Variants in LIMA1 observed in about 807,000 individuals in gnomAD.
LIMA1 encodes LIM domain and actin binding 1.
Under a neutral mutation model 62.6 loss-of-function variants are expected in LIMA1, and 52 were observed. The ratio of observed to expected loss-of-function variants is 0.83; its 90% CI spans 0.67 to 1.05. The LOEUF is 1.05. Among genes scored for constraint, LIMA1 ranks in the 50% least tolerant of loss-of-function variants. LIMA1 has a pLI of 0.00. For missense variants in LIMA1, 780 were observed against 902.2 expected, an observed-to-expected ratio of 0.86 and a Z score of 1.74; for synonymous variants, 302 against 317.8, an observed-to-expected ratio of 0.95 and a Z score of 0.53.
In LIMA1 at chr12:50,222,463, T is replaced by C; in HGVS notation, c.188A>G (p.His63Arg). The C allele has an allele frequency of 6.2e-7, 1 of 1,614,048 alleles. No homozygotes were observed. The highest frequency in any genetic ancestry group is 1.1e-5 in the South Asian group (1 of 91,080). Reference protein sequence around the residue: ...KRSNTENLSQHFRKGTLTVLK... With the variant: ...KRSNTENLSQRFRKGTLTVLK... ...CACAGTCAGGGTCCCCTTTCTAAAG[T>C]GCTGGGAGAGATTTTCGGTGTTCTA... Residue 63 changes from histidine (H) to arginine (R), a missense_variant, in exon 4 of 11, where the codon CAC becomes CGC. Transcript: ENST00000341247.
intron 1 of LIMA1, among the ~76,000 whole-genome samples, chr12:50,281,541 T>C (rs1206459432): frequency 6.6e-6 from 1 of 152,180 alleles, no homozygotes; most frequent in Non-Finnish European, 1.5e-5. Flanking sequence ...TTTTACAAAA[T>C]GGCACTCCTT....
rs528856442 is a variant in LIMA1, at chr12:50,278,318, A to T, written c.-24+5102T>A. On this transcript the variant is annotated intron_variant, in intron 1 of 10. Transcript: ENST00000341247. Reference sequence around the variant, plus strand: ...GCACCTGTAGTCCCAGCTACTCAGGAGTCTGAGGCAGGAGAATGGCATGAA... The same window carrying T: ...GCACCTGTAGTCCCAGCTACTCAGGTGTCTGAGGCAGGAGAATGGCATGAA... Among the ~76,000 whole-genome samples the T allele has an allele frequency of 1.3e-4, 20 of 152,122 alleles. 1 individual carries two copies. In the South Asian group the frequency reaches 2.7e-3, roughly 21 times the overall value.
chr12:50,273,274 G>A (rs1158820395), intron 1 of LIMA1, among the ~76,000 whole-genome samples: 1 of 151,988 alleles, frequency 6.6e-6, no homozygotes, highest in African/African-American at 2.4e-5. Context: ...ACATATTAAT[G>A]TTACTGTTTC....
intron 1 of LIMA1, among the ~76,000 whole-genome samples, chr12:50,265,999 C>A (rs1403728433): frequency 2.6e-5 from 4 of 152,100 alleles, no homozygotes; most frequent in Admixed American, 1.3e-4. Context: ...ACTTCCTTCA[C>A]TGTCTAGGCT....
intron 1 of LIMA1, among the ~76,000 whole-genome samples, chr12:50,251,578 G>A (rs1281416658): frequency 1.4e-5 from 2 of 143,950 alleles, no homozygotes; most frequent in East Asian, 4.1e-4. Context: ...CTGAGATCAT[G>A]CCACTGCACT....
Position 50,176,802 on chromosome 12 carries a change from C to G in LIMA1, c.*262G>C. ...GGCTATTATCAGGTGGAATATTTCC[C>G]CAGTTACAAGCCTTACAGCACTTAT... On this transcript the variant is annotated 3_prime_UTR_variant, in exon 11 of 11. Coordinates refer to ENST00000341247, the MANE Select transcript of LIMA1 (RefSeq NM_016357.5). The G allele has an allele frequency of 8.8e-6, 3 of 341,544 alleles. No homozygotes were observed. Among genetic ancestry groups the G allele is most frequent in the Non-Finnish European group, 1.6e-5 (3 of 189,716 alleles). The allele number at this position is 341,544 out of a possible 1,614,324, so 21.2% of individuals were successfully genotyped here.
intron 1 of LIMA1, among the ~76,000 whole-genome samples, chr12:50,250,563 CAAAA>C (rs754126420): frequency 1.8e-4 from 6 of 33,894 alleles, no homozygotes; most frequent in African/African-American, 4.2e-4. Context: ...AAGATGTTCT[CAAAA>C]AAAAAAAAAA....
chr12:50,180,666 T>C (rs1940478294), intron 10 of LIMA1, among the ~76,000 whole-genome samples: 1 of 152,200 alleles, frequency 6.6e-6, no homozygotes, highest in Non-Finnish European at 1.5e-5. Flanking sequence ...TTTTCCCTAA[T>C]GTCAGTCCTA....
chr12:50,263,884 A>G (rs541249939), intron 1 of LIMA1, among the ~76,000 whole-genome samples: 2 of 109,130 alleles, frequency 1.8e-5, no homozygotes, highest in Non-Finnish European at 3.6e-5. Context: ...TATAAAGTAT[A>G]TATATATATA....
At chr12:50,269,918 C>CAAAA (rs1423265745) in intron 1 of LIMA1, among the ~76,000 whole-genome samples, 2 of 88,138 alleles carry the variant, frequency 2.3e-5, no homozygotes, top group African/African-American at 9.3e-5. Flanking sequence ...AAAACTCCGT[C>CAAAA]AAATAAAAAA....
chr12:50,203,704 C>A (rs1941100138), intron 6 of LIMA1, among the ~76,000 whole-genome samples: 1 of 152,170 alleles, frequency 6.6e-6, no homozygotes, highest in Non-Finnish European at 1.5e-5. Flanking sequence ...TGAGCCATCA[C>A]ACCCAGCTGA....
intron 2 of LIMA1, among the ~76,000 whole-genome samples, chr12:50,238,359 T>C (rs1012380444): frequency 6.6e-6 from 1 of 151,968 alleles, no homozygotes; most frequent in Non-Finnish European, 1.5e-5. Flanking sequence ...ATACAAAAAT[T>C]AGCCAGGTGT....
At chr12:50,231,038 C>T (rs1168571316) in intron 3 of LIMA1, among the ~76,000 whole-genome samples, 2 of 152,102 alleles carry the variant, frequency 1.3e-5, no homozygotes, top group Admixed American at 6.5e-5. Flanking sequence ...TAATGCCATC[C>T]GAATTAAGGA....
intron 4 of LIMA1, among the ~76,000 whole-genome samples, chr12:50,207,942 T>C (rs1034632938): frequency 1.3e-5 from 2 of 151,778 alleles, no homozygotes; most frequent in African/African-American, 2.4e-5. Flanking sequence ...ATATTTTTTA[T>C]ACCCCCTCCT....
At chr12:50,191,550 A>G (rs1204054578) in intron 9 of LIMA1, among the ~76,000 whole-genome samples, 1 of 151,182 alleles carries the variant, frequency 6.6e-6, no homozygotes, top group Non-Finnish European at 1.5e-5. Context: ...GGCCAGGCGC[A>G]GTGGTTCACG....
intron 3 of LIMA1, among the ~76,000 whole-genome samples, chr12:50,225,102 A>G (rs2138567166): frequency 6.6e-6 from 1 of 151,824 alleles, no homozygotes; most frequent in East Asian, 1.9e-4. Context: ...GGGTTTCTCC[A>G]TGTTGGTCAG....
At chr12:50,216,494 C>T (rs903044848) in intron 4 of LIMA1, among the ~76,000 whole-genome samples, 2 of 152,082 alleles carry the variant, frequency 1.3e-5, no homozygotes, top group East Asian at 1.9e-4. Flanking sequence ...GAATTACAGG[C>T]GTGAGCCACT....
At chr12:50,210,486 C>G (rs1167407218) in intron 4 of LIMA1, among the ~76,000 whole-genome samples, 1 of 149,296 alleles carries the variant, frequency 6.7e-6, no homozygotes, top group Non-Finnish European at 1.5e-5. Context: ...GTTCTTAATA[C>G]AGATATTTGC....
intron 1 of LIMA1, among the ~76,000 whole-genome samples, chr12:50,256,723 C>T (rs139255328): frequency 1.3e-5 from 2 of 152,264 alleles, no homozygotes; most frequent in East Asian, 3.9e-4. Flanking sequence ...AGAATCAAGA[C>T]TCCTTGGAGA....
Sources: gnomAD v4.1 joint callset for allele counts (sites outside exome capture counted in the v4.1 genomes callset) on GRCh38, gnomAD v4.1.1 for gene constraint, MANE v1.5 for transcripts, NCBI Gene and HGNC (gene_info 2026-07-23, HGNC 2026-07-21) for gene names.